The following YY1 variants were observed in gnomAD, a reference collection of about 807,000 sequenced individuals.
YY1 encodes transcriptional repressor protein YY1.
In YY1, 2 loss-of-function variants were observed where a neutral mutation model predicts 35.6. That is an observed-to-expected ratio of 0.06 (90% CI 0.02 to 0.18). The LOEUF is 0.18. Among genes scored for constraint, YY1 ranks in the 10% least tolerant of loss-of-function variants. The pLI, the probability that YY1 is intolerant of heterozygous loss-of-function variation, is 1.00. For missense variants in YY1, 322 were observed against 573.4 expected (o/e 0.56, Z 4.48); for synonymous variants, 268 against 238.9 (o/e 1.12, Z -1.12).
rs1891420183 is a variant in YY1, at chr14:100,281,089, G to GAAAAAAAAA, written c.*3492_*3493insAAAAAAAAA. ...AAAAAAAAAAAAAAAAAAAAAAAAG[G>GAAAAAAAAA]AAACCTGACAATTCTACCCACCTCC... On this transcript the variant is annotated 3_prime_UTR_variant, in exon 5 of 5. Coordinates refer to ENST00000262238, the MANE Select transcript of YY1 (RefSeq NM_003403.5). The GAAAAAAAAA allele has an allele frequency of 3.4e-5, 4 of 117,968 alleles. No individual in the cohort carries two copies. The highest frequency in any genetic ancestry group is 1.4e-4 in the African/African-American group (4 of 29,144). 7.3% of individuals were successfully genotyped at this position (117,968 alleles called of 1,614,324 possible). A position where few individuals can be genotyped will look rare whatever the true frequency, so the allele number is the denominator to read the frequency against.
rs1472368019 is a variant in YY1, at chr14:100,239,254, G to C, written c.10G>C (p.Gly4Arg). 6.4e-7 allele frequency: 1 copy of C among 1,565,416 alleles called. No homozygotes were observed. The highest frequency in any genetic ancestry group is 1.9e-5 in the Admixed American group (1 of 53,898). ...GGCGGAGCCCTCAGCCATGGCCTCG[G>C]GCGACACCCTCTACATCGCCACGGA... MASGDTLYIATDGS... is the reference protein window; with the variant it reads MASRDTLYIATDGS... The change falls in exon 1 of 5, where the codon GGC becomes CGC. Residue 4 changes from glycine (G) to arginine (R), a missense_variant. By Grantham distance (125) the Gly-to-Arg change is moderately radical. Coordinates refer to ENST00000262238, the MANE Select transcript of YY1 (RefSeq NM_003403.5).
In YY1 at chr14:100,239,387, A is replaced by G; in HGVS notation, c.143A>G (p.Asp48Gly). ...TTVVGEEEEEDDDDEDGGGGD... is the reference protein window; with the variant it reads ...TTVVGEEEEEGDDDEDGGGGD... Reference sequence around the variant, plus strand: ...GTGGTGGGCGAGGAGGAGGAGGAGGACGACGACGACGAGGACGGCGGCGGT... The same window carrying G: ...GTGGTGGGCGAGGAGGAGGAGGAGGGCGACGACGACGAGGACGGCGGCGGT... The change falls in exon 1 of 5, where the codon GAC becomes GGC. Residue 48 changes from aspartate (D) to glycine (G), a missense_variant. Coordinates refer to ENST00000262238, the MANE Select transcript of YY1 (RefSeq NM_003403.5). The G allele has an allele frequency of 1.3e-6, 2 of 1,595,734 alleles. No individual in the cohort carries two copies. The highest frequency in any genetic ancestry group is 1.7e-6 in the Non-Finnish European group (2 of 1,172,412).
At position 100,276,759 on chromosome 14, in the gene YY1, T is replaced by A; in HGVS notation, c.1062+111T>A. On this transcript the variant is annotated intron_variant, in intron 4 of 4. Coordinates refer to ENST00000262238, the MANE Select transcript of YY1 (RefSeq NM_003403.5). The surrounding 1 kb of genome is among the most constrained non-coding windows in gnomAD (Gnocchi z 4.1). ...GCCAGCCCAGAGACTCAGGGTCTTATTACTCCTTGGTGAGAAACAAAACTT... is the reference window on the plus strand; with the variant it reads ...GCCAGCCCAGAGACTCAGGGTCTTAATACTCCTTGGTGAGAAACAAAACTT... 6.5e-7 allele frequency: 1 copy of A among 1,534,698 alleles called. No homozygotes were observed. The highest frequency in any genetic ancestry group is 2.3e-5 in the East Asian group (1 of 44,392).
At chr14:100,272,289 C>CT (rs1186062756) in intron 2 of YY1, among the ~76,000 whole-genome samples, 1 of 109,106 alleles carries the variant, frequency 9.2e-6, no homozygotes, top group Non-Finnish European at 1.8e-5. Context: ...GAGTGAGACT[C>CT]TGTCTCAAAA....
intron 1 of YY1, among the ~76,000 whole-genome samples, chr14:100,254,940 A>ATTTTTTTTTTTTTTTTTTTTTT (rs35165026): frequency 5.1e-4 from 15 of 29,584 alleles, no homozygotes; most frequent in Admixed American, 1.3e-3. Context: ...CGCCCAGCTA[A>ATTTTTTTTTTTTTTTTTTTTTT]TTTTTTTTTT....
At chr14:100,242,546 G>A (rs113838980) in intron 1 of YY1, among the ~76,000 whole-genome samples, 110 of 149,136 alleles carry the variant, frequency 7.4e-4, no homozygotes, top group Non-Finnish European at 1.4e-3. Flanking sequence ...CCACCACCAC[G>A]CCCGGCTAAT....
chr14:100,255,815 A>G (rs1213743004), intron 1 of YY1, among the ~76,000 whole-genome samples: 2 of 152,182 alleles, frequency 1.3e-5, no homozygotes, highest in East Asian at 3.8e-4. Flanking sequence ...CTTTAGACAG[A>G]GCTAGTTGTC....
At chr14:100,274,845 G>T (rs115934889) in intron 3 of YY1, 87 bp downstream of exon 3, 56,853 of 1,251,808 alleles carry the variant, frequency 0.045, 1,547 homozygotes, top group African/African-American at 0.058. Flanking sequence ...GTTTCTGCTT[G>T]TGATAATTTA....
intron 1 of YY1, among the ~76,000 whole-genome samples, chr14:100,241,905 C>T (rs1368228281): frequency 7.2e-6 from 1 of 139,766 alleles, no homozygotes; most frequent in Non-Finnish European, 1.5e-5. Flanking sequence ...ACCCAGGAGG[C>T]AGAGGTTAAC....
intron 1 of YY1, 116 bp from the exon 2 acceptor site, chr14:100,262,188 A>C: frequency 8.7e-7 from 1 of 1,152,142 alleles, no homozygotes; most frequent in Non-Finnish European, 1.2e-6. Context: ...AGAGGGGAGA[A>C]CAAATTGAGC....
intron 2 of YY1, among the ~76,000 whole-genome samples, chr14:100,265,712 C>T (rs1042482555): frequency 6.8e-5 from 10 of 146,888 alleles, no homozygotes; most frequent in East Asian, 2.0e-4. Context: ...TGCAGTGGCA[C>T]GACCTCGGCT....
intron 1 of YY1, among the ~76,000 whole-genome samples, chr14:100,249,757 TTTG>T (rs796293345): frequency 3.1e-4 from 28 of 90,112 alleles, no homozygotes; most frequent in Non-Finnish European, 5.2e-4. Context: ...CGTTTTTTTT[TTTG>T]TTTGTTTTTG....
At chr14:100,260,469 A>T (rs917558605) in intron 1 of YY1, among the ~76,000 whole-genome samples, 3 of 139,154 alleles carry the variant, frequency 2.2e-5, no homozygotes, top group East Asian at 2.1e-4. Flanking sequence ...ACATATATGT[A>T]TTTTTTTTTT....
chr14:100,239,253 G>T lies in YY1; in HGVS notation c.9G>T (p.Ser3=), dbSNP rs199591448. The stretch of plus-strand genomic sequence containing the variant: ...CGGCGGAGCCCTCAGCCATGGCCTC[G>T]GGCGACACCCTCTACATCGCCACGG... The part of the protein sequence containing the change: MA[S]GDTLYIATDG... Residue 3 remains serine (S), a synonymous_variant, in exon 1 of 5, where the codon TCG becomes TCT. Coordinates refer to ENST00000262238, the MANE Select transcript of YY1 (RefSeq NM_003403.5). 2 of 1,562,154 alleles carry T rather than the reference G, an allele frequency of 1.3e-6. No individual in the cohort carries two copies. The highest frequency in any genetic ancestry group is 1.2e-5 in the South Asian group (1 of 85,358).
intron 1 of YY1, among the ~76,000 whole-genome samples, chr14:100,246,669 A>C (rs1032172888): frequency 6.6e-6 from 1 of 152,238 alleles, no homozygotes; most frequent in Non-Finnish European, 1.5e-5. Context: ...AAATGCATTG[A>C]ATTTTTCCCA....
chr14:100,252,105 C>T (rs1451995629), intron 1 of YY1, among the ~76,000 whole-genome samples: 2 of 152,294 alleles, frequency 1.3e-5, no homozygotes, highest in Admixed American at 6.5e-5. Flanking sequence ...TTTTACTAGA[C>T]ACTGAGAAAA....
intron 1 of YY1, among the ~76,000 whole-genome samples, chr14:100,252,751 T>C (rs556179879): frequency 5.3e-5 from 8 of 152,292 alleles, no homozygotes; most frequent in African/African-American, 1.7e-4. Flanking sequence ...AAGAAACCCA[T>C]TGCAGGCCAG....
chr14:100,274,825 T>G (rs757858720), intron 3 of YY1, 67 bp downstream of exon 3: 2 of 1,470,792 alleles, frequency 1.4e-6, no homozygotes, highest in African/African-American at 2.8e-5. Context: ...TATAAGAAAT[T>G]TGCACTTTTG....
intron 1 of YY1, among the ~76,000 whole-genome samples, chr14:100,252,645 C>T (rs144177512): frequency 6.6e-6 from 1 of 152,320 alleles, no homozygotes; most frequent in East Asian, 1.9e-4. Context: ...GTATTCTCAG[C>T]TTTTTCCAAA....
Sources: allele counts gnomAD v4.1 joint callset (sites outside exome capture counted in the v4.1 genomes callset), GRCh38; gene constraint gnomAD v4.1.1; non-coding constraint Gnocchi (gnomAD v3.1); transcripts MANE v1.5; gene names NCBI Gene and HGNC (gene_info 2026-07-23, HGNC 2026-07-21).